The following PCDH15 variants were observed in gnomAD, a reference collection of about 807,000 sequenced individuals.
The protein encoded by PCDH15 is protocadherin-15.
Under a neutral mutation model 178.5 loss-of-function variants are expected in PCDH15, and 129 were observed. The observed-to-expected ratio is 0.72, with a 90% CI of 0.63 to 0.84. The LOEUF is 0.84. PCDH15 is among the 40% of genes least tolerant of loss of function. The pLI is 0.00. For synonymous variants in PCDH15, 800 were observed against 732.0 expected (o/e 1.09, Z -1.50); for missense variants, 2,230 against 2,099.9 (o/e 1.06, Z -1.21).
chr10:54,977,352 C>T, intron 2 of PCDH15, among the ~76,000 whole-genome samples: 1 of 152,126 alleles, frequency 6.6e-6, no homozygotes, highest in South Asian at 2.1e-4. Context: ...GGCCAAAACC[C>T]CTCAAATCCA....
chr10:54,382,609 A>C (rs1949380049), intron 3 of PCDH15, among the ~76,000 whole-genome samples: 2 of 152,142 alleles, frequency 1.3e-5, no homozygotes. Flanking sequence ...TGTTGTATAC[A>C]TGTGTCTATG....
At chr10:55,544,763 T>A (rs1841841888) in intron 2 of PCDH15, among the ~76,000 whole-genome samples, 1 of 152,126 alleles carries the variant, frequency 6.6e-6, no homozygotes, top group Non-Finnish European at 1.5e-5. Context: ...TACACAGGCA[T>A]GTGTGTGCAC....
chr10:54,191,245 AC>A (rs1414993328), intron 11 of PCDH15, among the ~76,000 whole-genome samples: 1 of 152,200 alleles, frequency 6.6e-6, no homozygotes, highest in African/African-American at 2.4e-5. Flanking sequence ...AGGGAGAAAG[AC>A]ATTATTTTCA....
intron 2 of PCDH15, among the ~76,000 whole-genome samples, chr10:55,616,122 A>G (rs1470000290): frequency 1.3e-5 from 2 of 152,142 alleles, no homozygotes; most frequent in Admixed American, 6.6e-5. Context: ...TTGCTCTATT[A>G]CTTCTGAATT....
chr10:54,637,446 C>T (rs1056640178), intron 2 of PCDH15, among the ~76,000 whole-genome samples: 10 of 151,940 alleles, frequency 6.6e-5, no homozygotes, highest in South Asian at 2.1e-4. Context: ...TTGTCTGCTC[C>T]GGCTTCTGGA....
chr10:54,157,641 A>G (rs1373202814), intron 13 of PCDH15, among the ~76,000 whole-genome samples: 1 of 152,186 alleles, frequency 6.6e-6, no homozygotes, highest in Admixed American at 6.5e-5. Context: ...GCTTCTTGTT[A>G]CTTATGCAAA....
intron 5 of PCDH15, among the ~76,000 whole-genome samples, chr10:54,357,453 C>A (rs1183328761): frequency 1.3e-5 from 2 of 152,216 alleles, no homozygotes; most frequent in African/African-American, 4.8e-5. Context: ...ATCCAACTTA[C>A]AAGGGATGTG....
rs71461245 is a variant in PCDH15, at chr10:54,491,331, T to TAAA, written c.157+36478_157+36480dup. ...CTCAAAAAAAAAAAGAAAGAAAAGT[T>TAAA]AAAAAAAAAAAAGAAATGAAACTCC... On this transcript the variant is annotated intron_variant, in intron 3 of 37. Coordinates refer to ENST00000644397, the MANE Select transcript of PCDH15 (RefSeq NM_001384140.1). Among the ~76,000 whole-genome samples, 41 of 142,080 alleles carry TAAA rather than the reference T, an allele frequency of 2.9e-4. No individual in the cohort carries two copies. In the South Asian group the frequency reaches 3.3e-3, roughly 12 times the overall value. The allele number at this position is 142,080 out of a possible 152,430, so 93.2% of individuals were successfully genotyped here.
intron 15 of PCDH15, among the ~76,000 whole-genome samples, chr10:54,112,210 C>T (rs1028085140): frequency 2.0e-5 from 3 of 151,876 alleles, no homozygotes; most frequent in Non-Finnish European, 4.4e-5. Context: ...GACCATATTC[C>T]TCTAAGTCGG....
rs916040433 is a variant in PCDH15 at position 54,941,769 on chromosome 10, A to G, written c.-79-44269T>C. Reference sequence around the variant, plus strand: ...GATTATATTTGTTATGTTCTTGTTTATAGTTTTTACTAACTTGGTTTGACT... The same window carrying G: ...GATTATATTTGTTATGTTCTTGTTTGTAGTTTTTACTAACTTGGTTTGACT... On this transcript the variant is annotated intron_variant, in intron 2 of 5. Transcript: ENST00000458638. Among the ~76,000 whole-genome samples the G allele has an allele frequency of 5.9e-5, 9 of 152,174 alleles. No individual in the cohort carries two copies. In the East Asian group the frequency reaches 1.2e-3, roughly 20 times the overall value.
intron 2 of PCDH15, among the ~76,000 whole-genome samples, chr10:54,980,002 A>C (rs1839189708): frequency 6.6e-6 from 1 of 152,168 alleles, no homozygotes; most frequent in African/African-American, 2.4e-5. Context: ...TATATTTAAC[A>C]TTTGTGAACA....
chr10:54,760,374 TA>T (rs35607646), intron 1 of PCDH15, among the ~76,000 whole-genome samples: 52,684 of 151,742 alleles, frequency 0.35, 9,459 homozygotes, highest in Middle Eastern at 0.47. Flanking sequence ...ACAACATATA[TA>T]TTTTTTTTAT....
chr10:54,047,133 G>T (rs531661184), intron 18 of PCDH15, among the ~76,000 whole-genome samples: 1 of 152,200 alleles, frequency 6.6e-6, no homozygotes, highest in Admixed American at 6.5e-5. Context: ...ACTTGGTATT[G>T]CTTCTTGGAT....
At chr10:54,756,154 G>A (rs1474273184) in intron 1 of PCDH15, among the ~76,000 whole-genome samples, 2 of 151,738 alleles carry the variant, frequency 1.3e-5, no homozygotes, top group African/African-American at 2.4e-5. Context: ...GGAGGCTGAG[G>A]CAGGAGAATA....
intron 1 of PCDH15, among the ~76,000 whole-genome samples, chr10:54,768,094 AT>A (rs1591531244): frequency 2.0e-5 from 3 of 152,038 alleles, no homozygotes; most frequent in South Asian, 2.1e-4. Context: ...TGTAAATCTA[AT>A]TTTTTTCTAT....
intron 2 of PCDH15, among the ~76,000 whole-genome samples, chr10:54,981,372 C>G (rs890719725): frequency 6.6e-6 from 1 of 152,124 alleles, no homozygotes; most frequent in African/African-American, 2.4e-5. Flanking sequence ...ACCCTACTCC[C>G]TGGAAAATTC....
At chr10:54,527,787 T>G (rs781703728) in intron 3 of PCDH15, 25 bp downstream of exon 3, 2 of 1,565,938 alleles carry the variant, frequency 1.3e-6, no homozygotes, top group South Asian at 2.2e-5. Context: ...AGATAAGACA[T>G]TTGTAAAATA....
At chr10:55,580,381 G>A (rs868153553) in intron 2 of PCDH15, among the ~76,000 whole-genome samples, 2 of 134,644 alleles carry the variant, frequency 1.5e-5, no homozygotes, top group African/African-American at 2.8e-5. Flanking sequence ...TTTTTGAGAC[G>A]AAGTCTCATT....
At chr10:55,289,778 G>C (rs964100968) in intron 1 of PCDH15, among the ~76,000 whole-genome samples, 1 of 151,958 alleles carries the variant, frequency 6.6e-6, no homozygotes. Flanking sequence ...TTAACAGGTG[G>C]GTCTTTTAAG....
Sources: gnomAD v4.1 joint callset for allele counts (sites outside exome capture counted in the v4.1 genomes callset) on GRCh38, gnomAD v4.1.1 for gene constraint, MANE v1.5 for transcripts, NCBI Gene and HGNC (gene_info 2026-07-23, HGNC 2026-07-21) for gene names.